Variants in ZP3 observed in about 807,000 individuals in gnomAD.
ZP3 encodes the protein zona pellucida glycoprotein 3, also known as zona pellucida sperm-binding protein 3.
A neutral mutation model predicts 35.6 loss-of-function variants in ZP3; 21 were observed. The ratio of observed to expected loss-of-function variants is 0.59; its 90% CI spans 0.42 to 0.85. The LOEUF (loss-of-function observed/expected upper bound fraction) is 0.85, where lower values mean the gene tolerates loss of function less well. Ranked by LOEUF, ZP3 falls within the 40% of genes least tolerant of loss-of-function variation. The probability of loss-of-function intolerance (pLI) is 0.00; values close to 1 mark genes in which losing one functional copy is unlikely to be tolerated. For synonymous variants in ZP3, 207 were observed against 214.5 expected (o/e 0.96, Z 0.31); for missense variants, 437 against 536.5 (o/e 0.81, Z 1.83).
intron 2 of ZP3, among the ~76,000 whole-genome samples, chr7:76,432,279 C>T (rs1805853758): frequency 6.6e-6 from 1 of 151,852 alleles, no homozygotes; most frequent in African/African-American, 2.4e-5. Flanking sequence ...AACTCCACCT[C>T]CGAGGTTCAC....
At chr7:76,421,312 G>C (rs573805489), upstream of ZP3, among the ~76,000 whole-genome samples, 6 of 151,774 alleles carry the variant, frequency 4.0e-5, no homozygotes, top group African/African-American at 1.5e-4. Context: ...ACTCACTGAA[G>C]CTTAGAACTC....
Position 76,425,117 on chromosome 7 carries a change from G to T in ZP3, c.153G>T (p.Leu51=). 6.2e-7 allele frequency: 1 copy of T among 1,613,986 alleles called. No individual in the cohort carries two copies. Among genetic ancestry groups the T allele is most frequent in the Non-Finnish European group, 8.5e-7 (1 of 1,180,026 alleles). Residue 51 remains leucine (L), a synonymous_variant, in exon 1 of 8, where the codon CTG becomes CTT. Transcript: ENST00000394857. ...PVLVECQEAT[L]MVMVSKDLFG... is the part of the protein sequence containing the mutation. Reference sequence around the variant, plus strand: ...TGGTGGAGTGTCAGGAGGCCACTCTGATGGTCATGGTCAGCAAAGACCTTT... The same window carrying T: ...TGGTGGAGTGTCAGGAGGCCACTCTTATGGTCATGGTCAGCAAAGACCTTT...
intron 2 of ZP3, among the ~76,000 whole-genome samples, chr7:76,432,510 C>G (rs1805861463): frequency 6.6e-6 from 1 of 151,998 alleles, no homozygotes; most frequent in African/African-American, 2.4e-5. Flanking sequence ...GAGATAGAGT[C>G]TTGCTATGTT....
At chr7:76,433,302 C>G (rs3762030) in intron 3 of ZP3, among the ~76,000 whole-genome samples, 168 bp from the exon 4 acceptor site, 80,834 of 151,556 alleles carry the variant, frequency 0.53, 22,117 homozygotes, top group African/African-American at 0.63. Flanking sequence ...CTACAGGCTT[C>G]TGACACCACA....
intron 2 of ZP3, among the ~76,000 whole-genome samples, chr7:76,432,031 TG>T (rs77214139): frequency 0.19 from 28,844 of 151,166 alleles, 2,995 homozygotes; most frequent in South Asian, 0.28. Context: ...TTTGGTTTTT[TG>T]TTTAAAAAAA....
intron 1 of ZP3, among the ~76,000 whole-genome samples, chr7:76,404,659 G>C (rs1204925781): frequency 2.0e-5 from 3 of 152,132 alleles, no homozygotes; most frequent in Admixed American, 6.5e-5. Context: ...GGCCGGGTGT[G>C]GTGGCTTATG....
intron 1 of ZP3, among the ~76,000 whole-genome samples, chr7:76,418,550 C>CAAAAAA (rs1203476650): frequency 3.3e-5 from 1 of 30,052 alleles, no homozygotes; most frequent in Non-Finnish European, 5.4e-5. Context: ...GATTTCATCT[C>CAAAAAA]AAAAAAAAAA....
chr7:76,439,907 G>A (rs1203944518), intron 5 of ZP3: 6 of 259,042 alleles, frequency 2.3e-5, no homozygotes, highest in Non-Finnish European at 4.5e-5. Flanking sequence ...GGGTGCAGTG[G>A]CATGATCTCG....
At position 76,429,538 on chromosome 7, in the gene ZP3, C is replaced by T. The variant is rs375567174; in HGVS notation, c.336C>T (p.Tyr112=). 30 of 1,613,920 alleles carry T rather than the reference C, an allele frequency of 1.9e-5. No individual in the cohort carries two copies. The highest frequency in any genetic ancestry group is 4.0e-5 in the African/African-American group (3 of 74,878). Residue 112 remains tyrosine, a synonymous_variant, in exon 2 of 8, where the codon TAC becomes TAT. Coordinates refer to ENST00000394857, the MANE Select transcript of ZP3 (RefSeq NM_001110354.2). The part of the protein sequence containing the change: ...SMQVTDDALV[Y]STFLLHDPRP... ...AGGTAACTGACGATGCCCTGGTGTA[C>T]AGCACCTTCCTGCTCCATGACCCCC...
intron 1 of ZP3, among the ~76,000 whole-genome samples, chr7:76,399,482 C>T (rs1423444319): frequency 2.0e-5 from 3 of 152,094 alleles, no homozygotes; most frequent in African/African-American, 4.8e-5. Flanking sequence ...TCTCAGTTTC[C>T]GCTGCAGCTC....
In ZP3 at chr7:76,425,234, C is replaced by T. The variant is rs1415659982; in HGVS notation, c.270C>T (p.Val90=). The change falls in exon 1 of 8, where the codon GTC becomes GTT. Residue 90 remains valine (V), a synonymous_variant. Coordinates refer to ENST00000394857, the MANE Select transcript of ZP3 (RefSeq NM_001110354.2). ...PLVSMDTEDV[V]RFEVGLHECG... ...TCTCCATGGACACAGAAGATGTGGT[C>T]AGGTTTGAGGTTGGACTCCACGAGT... 2 of 1,613,362 alleles carry T rather than the reference C, an allele frequency of 1.2e-6. No homozygotes were observed. The highest frequency in any genetic ancestry group is 2.2e-5 in the East Asian group (1 of 44,878).
intron 2 of ZP3, 126 bp from the exon 3 acceptor site, chr7:76,432,801 C>T: frequency 1.4e-6 from 1 of 731,030 alleles, no homozygotes; most frequent in Non-Finnish European, 2.3e-6. Context: ...CCATCTCGCA[C>T]CAGCTACCTG....
chr7:76,416,930 A>G (rs1167553220), intron 1 of ZP3, among the ~76,000 whole-genome samples: 3 of 114,360 alleles, frequency 2.6e-5, no homozygotes, highest in Non-Finnish European at 5.1e-5. Context: ...ATATACACAT[A>G]CATATGTATA....
intron 1 of ZP3, among the ~76,000 whole-genome samples, chr7:76,418,354 C>T (rs1805423236): frequency 6.6e-6 from 1 of 151,776 alleles, no homozygotes; most frequent in Non-Finnish European, 1.5e-5. Flanking sequence ...AGATCGAGAC[C>T]AGCCTGGCCA....
intron 5 of ZP3, among the ~76,000 whole-genome samples, chr7:76,435,233 A>G (rs1382292888): frequency 2.6e-5 from 4 of 152,222 alleles, no homozygotes; most frequent in African/African-American, 7.2e-5. Context: ...AGTCCCAGCC[A>G]CTCCAGGTTC....
At chr7:76,432,843 G>A in intron 2 of ZP3, 84 bp from the exon 3 acceptor site, 1 of 1,165,438 alleles carries the variant, frequency 8.6e-7, no homozygotes, top group African/African-American at 1.5e-5. Flanking sequence ...CTGTAGTGGG[G>A]TAGCAGTGAG....
intron 5 of ZP3, among the ~76,000 whole-genome samples, chr7:76,439,347 T>C (rs1806127098): frequency 6.6e-6 from 1 of 152,240 alleles, no homozygotes; most frequent in African/African-American, 2.4e-5. Context: ...AGCTGCTAGC[T>C]ATTAAGGTGT....
In ZP3 at chr7:76,438,605, T is replaced by TG. The variant is rs952783029; in HGVS notation, c.832-1639dup. On this transcript the variant is annotated intron_variant, in intron 5 of 7. Coordinates refer to ENST00000394857, the MANE Select transcript of ZP3 (RefSeq NM_001110354.2). ...GGGTAGTTGACTATTCCCTGGGTGGTGGGGGGTCTTTCAGCTCCCAGCAGG... is the reference window on the plus strand; with the variant it reads ...GGGTAGTTGACTATTCCCTGGGTGGTGGGGGGGTCTTTCAGCTCCCAGCAGG... Among the ~76,000 whole-genome samples, 19 of 99,860 alleles carry TG rather than the reference T, an allele frequency of 1.9e-4. 2 individuals are homozygous for TG. The highest frequency in any genetic ancestry group is 5.1e-4 in the African/African-American group (11 of 21,548). The allele number at this position is 99,860 out of a possible 152,430, so 65.5% of individuals were successfully genotyped here. A position where few individuals can be genotyped will look rare whatever the true frequency, so the allele number is the denominator to read the frequency against.
At chr7:76,402,828 T>C (rs1406220701) in intron 1 of ZP3, among the ~76,000 whole-genome samples, 1 of 151,914 alleles carries the variant, frequency 6.6e-6, no homozygotes, top group African/African-American at 2.4e-5. Context: ...CCACCATGCC[T>C]GGCTAATTTT....
Sources: gnomAD v4.1 joint callset for allele counts (sites outside exome capture counted in the v4.1 genomes callset) on GRCh38, gnomAD v4.1.1 for gene constraint, MANE v1.5 for transcripts, NCBI Gene and HGNC (gene_info 2026-07-23, HGNC 2026-07-21) for gene names.